PTER: variants seen among roughly 807,000 people sequenced by gnomAD.
PTER encodes N-acetyltaurine hydrolase.
A neutral mutation model predicts 29.6 loss-of-function variants in PTER; 38 were observed. That is an observed-to-expected ratio of 1.28 (90% CI 0.99 to 1.68). The LOEUF is 1.68. Ranked by LOEUF, PTER falls within the 40% of genes most tolerant of loss-of-function variation. PTER has a pLI of 0.00. For missense variants in PTER, 482 were observed against 427.8 expected (o/e 1.13, Z -1.12); for synonymous variants, 172 against 154.5 (o/e 1.11, Z -0.84).
intron 1 of PTER, among the ~76,000 whole-genome samples, chr10:16,474,893 C>G (rs1434058003): frequency 6.6e-6 from 1 of 151,892 alleles, no homozygotes; most frequent in Non-Finnish European, 1.5e-5. Flanking sequence ...TCTCAAAAAA[C>G]AAAACAAAAC....
At chr10:16,475,318 A>C (rs1250976300) in intron 1 of PTER, among the ~76,000 whole-genome samples, 2 of 152,112 alleles carry the variant, frequency 1.3e-5, no homozygotes, top group Admixed American at 1.3e-4. Context: ...TCTTGGCTGG[A>C]CTAGAATGTC....
At position 16,484,532 on chromosome 10, in the gene PTER, G is replaced by T. The variant is rs1430465466; in HGVS notation, c.148G>T (p.Glu50Ter). ...CCCGTGCCAGGAAGCTATTTCCAAA[G>T]AACCTATCGTGATGAAAAATTTATA... is the stretch of plus-strand genomic sequence containing the variant. Reference protein sequence around the residue: ...PPPCQEAISKEPIVMKNLYWI... With the variant: ...PPPCQEAISK Residue 50 changes from glutamate to a stop codon, truncating the protein, a stop_gained, in exon 2 of 5, where the codon GAA becomes TAA. Transcript: ENST00000535784. LOFTEE classifies it high-confidence loss of function. 1.2e-6 allele frequency: 2 copies of T among 1,614,020 alleles called. No homozygotes were observed. The highest frequency in any genetic ancestry group is 3.3e-5 in the Admixed American group (2 of 59,990).
intron 1 of PTER, among the ~76,000 whole-genome samples, chr10:16,439,642 T>C (rs1833777233): frequency 6.6e-6 from 1 of 152,214 alleles, no homozygotes; most frequent in African/African-American, 2.4e-5. Context: ...GTGCAAAGTG[T>C]TCATACAGGA....
intron 1 of PTER, among the ~76,000 whole-genome samples, chr10:16,470,046 G>A (rs544704499): frequency 9.2e-5 from 14 of 152,042 alleles, no homozygotes; most frequent in African/African-American, 2.7e-4. Context: ...TGTTATTGTC[G>A]GCTAAACTAG....
Position 16,511,297 on chromosome 10 carries a change from C to T in PTER, c.*41C>T. 1 of 1,542,724 alleles carries T rather than the reference C, an allele frequency of 6.5e-7. No individual in the cohort carries two copies. The highest frequency in any genetic ancestry group is 1.1e-5 in the South Asian group (1 of 89,618). On this transcript the variant is annotated 3_prime_UTR_variant, in exon 5 of 5. Transcript: ENST00000535784. The stretch of plus-strand genomic sequence containing the variant: ...ATTCACACCTTGAGTATAAAACTTG[C>T]AGAGAACATTCAGCGATTTCCAGTC...
intron 1 of PTER, among the ~76,000 whole-genome samples, chr10:16,451,469 G>C (rs1288704880): frequency 6.6e-6 from 1 of 152,320 alleles, no homozygotes; most frequent in African/African-American, 2.4e-5. Flanking sequence ...AGCATTTTGA[G>C]AGGCCAAGGT....
chr10:16,486,560 G>T lies in PTER; in HGVS notation c.641G>T (p.Arg214Leu). ...RSSRAPFQII[R>L]ILQEAGADIS... ...TCCAGGGCACCATTTCAGATTATCC[G>T]AATATTGCAAGAAGCAGGCGCAGAC... Residue 214 changes from arginine to leucine, a missense_variant, in exon 3 of 5, where the codon CGA becomes CTA. Coordinates refer to ENST00000535784, the MANE Select transcript of PTER (RefSeq NM_001261836.2). 6.2e-7 allele frequency: 1 copy of T among 1,613,964 alleles called. No individual in the cohort carries two copies. The highest frequency in any genetic ancestry group is 1.1e-5 in the South Asian group (1 of 91,068).
intron 4 of PTER, among the ~76,000 whole-genome samples, chr10:16,505,735 T>C (rs1022053772): frequency 6.6e-6 from 1 of 152,200 alleles, no homozygotes; most frequent in Non-Finnish European, 1.5e-5. Context: ...GCGTCAATGA[T>C]AGCTACCTAG....
intron 1 of PTER, among the ~76,000 whole-genome samples, chr10:16,441,499 C>G (rs1385862313): frequency 2.0e-5 from 3 of 152,066 alleles, no homozygotes; most frequent in Non-Finnish European, 4.4e-5. Flanking sequence ...GCAGTGTGTT[C>G]ACTCTTTTAT....
chr10:16,438,153 G>A (rs1833718367), intron 1 of PTER, among the ~76,000 whole-genome samples: 3 of 148,816 alleles, frequency 2.0e-5, no homozygotes, highest in East Asian at 2.0e-4. Context: ...CTACAGGCGC[G>A]CTCCACCACA....
intron 1 of PTER, among the ~76,000 whole-genome samples, chr10:16,481,875 C>T (rs1835493244): frequency 6.6e-6 from 1 of 152,140 alleles, no homozygotes; most frequent in Non-Finnish European, 1.5e-5. Context: ...AAGCTTGCAT[C>T]TATTATTAAT....
chr10:16,498,366 C>A (rs35548713), intron 3 of PTER, among the ~76,000 whole-genome samples: 70,473 of 151,958 alleles, frequency 0.46, 16,572 homozygotes, highest in East Asian at 0.68. Flanking sequence ...GGCGCATCAG[C>A]TGAGGTCAGG....
intron 3 of PTER, among the ~76,000 whole-genome samples, chr10:16,497,662 C>A (rs774775369): frequency 9.2e-5 from 14 of 152,214 alleles, no homozygotes; most frequent in Non-Finnish European, 1.6e-4. Flanking sequence ...GGATCAAATT[C>A]TTTCCTCTGC....
intron 1 of PTER, among the ~76,000 whole-genome samples, chr10:16,469,246 G>C (rs1834958102): frequency 1.3e-5 from 2 of 152,142 alleles, no homozygotes; most frequent in Admixed American, 6.6e-5. Flanking sequence ...CTTGCGACAG[G>C]GGAGAAGATA....
intron 1 of PTER, among the ~76,000 whole-genome samples, chr10:16,440,928 G>A (rs748509877): frequency 8.5e-5 from 13 of 152,200 alleles, no homozygotes; most frequent in African/African-American, 1.2e-4. Flanking sequence ...TTCTGGCTCT[G>A]GTTTACCAGA....
At chr10:16,507,867 C>T (rs1344804221) in intron 4 of PTER, among the ~76,000 whole-genome samples, 4 of 151,996 alleles carry the variant, frequency 2.6e-5, no homozygotes, top group African/African-American at 4.8e-5. Flanking sequence ...CCCAGGAACC[C>T]GATTCAATAC....
chr10:16,497,188 G>A (rs1836144411), intron 3 of PTER, among the ~76,000 whole-genome samples: 1 of 152,024 alleles, frequency 6.6e-6, no homozygotes, highest in South Asian at 2.1e-4. Context: ...ACTCGACTTG[G>A]CCTCCCAAAG....
intron 3 of PTER, among the ~76,000 whole-genome samples, chr10:16,494,277 G>A (rs775305964): frequency 6.6e-6 from 1 of 152,130 alleles, no homozygotes; most frequent in African/African-American, 2.4e-5. Context: ...TCTGGGTTTA[G>A]TCTAATTTAA....
At chr10:16,476,652 G>T (rs1179941492) in intron 1 of PTER, among the ~76,000 whole-genome samples, 1 of 151,894 alleles carries the variant, frequency 6.6e-6, no homozygotes, top group East Asian at 1.9e-4. Flanking sequence ...TGCAGCCTCA[G>T]CCTCAACCTC....
Sources: allele counts gnomAD v4.1 joint callset (sites outside exome capture counted in the v4.1 genomes callset), GRCh38; gene constraint gnomAD v4.1.1; transcripts MANE v1.5; gene names NCBI Gene and HGNC (gene_info 2026-07-23, HGNC 2026-07-21).